KAT6A: variants seen among roughly 807,000 people sequenced by gnomAD.
KAT6A encodes lysine acetyltransferase 6A.
In KAT6A, 9 loss-of-function variants were observed where a neutral mutation model predicts 198.4. The observed-to-expected ratio is 0.05, with a 90% CI of 0.03 to 0.08. The LOEUF (loss-of-function observed/expected upper bound fraction) is 0.08. Among genes scored for constraint, KAT6A ranks in the 10% least tolerant of loss-of-function variants. The pLI is 1.00. For synonymous variants in KAT6A, 890 were observed against 883.0 expected, an observed-to-expected ratio of 1.01 and a Z score of -0.14; for missense variants, 2,077 against 2,509.9, an observed-to-expected ratio of 0.83 and a Z score of 3.69.
intron 2 of KAT6A, among the ~76,000 whole-genome samples, chr8:41,995,599 TTAAA>T (rs1410425255): frequency 6.6e-6 from 1 of 152,160 alleles, no homozygotes; most frequent in Non-Finnish European, 1.5e-5. Context: ...TTAGAATATC[TTAAA>T]TAATGACATT....
chr8:41,968,903 T>A (rs1277727085), intron 8 of KAT6A, among the ~76,000 whole-genome samples: 1 of 152,216 alleles, frequency 6.6e-6, no homozygotes, highest in Non-Finnish European at 1.5e-5. Flanking sequence ...CTGCCTGCAA[T>A]AATTTTTTAA....
chr8:41,971,997 C>T (rs962368183), intron 8 of KAT6A, among the ~76,000 whole-genome samples: 14 of 151,974 alleles, frequency 9.2e-5, no homozygotes, highest in Admixed American at 3.3e-4. Context: ...TCTATGGCTA[C>T]AACAGTAAGA....
At chr8:42,042,513 C>T (rs1827717161) in intron 2 of KAT6A, among the ~76,000 whole-genome samples, 1 of 151,636 alleles carries the variant, frequency 6.6e-6, no homozygotes, top group African/African-American at 2.4e-5. Flanking sequence ...AAATTCCTGT[C>T]AAAGCTCTAC....
At chr8:41,996,884 G>A (rs912824297) in intron 2 of KAT6A, among the ~76,000 whole-genome samples, 8 of 152,032 alleles carry the variant, frequency 5.3e-5, no homozygotes, top group African/African-American at 1.7e-4. Flanking sequence ...TATAATTATT[G>A]CAACTCGTTT....
Position 42,049,228 on chromosome 8 carries a change from G to T in KAT6A, c.-251C>A. The T allele has an allele frequency of 2.2e-6, 1 of 445,598 alleles. No individual in the cohort carries two copies. Among genetic ancestry groups the T allele is most frequent in the South Asian group, 5.1e-5 (1 of 19,546 alleles). The allele number at this position is 445,598 out of a possible 1,614,324, so 27.6% of individuals were successfully genotyped here. On this transcript the variant is annotated 5_prime_UTR_variant, in exon 2 of 17. Coordinates refer to ENST00000265713, the MANE Select transcript of KAT6A (RefSeq NM_006766.5). ...AATTTCTCAATAGCACCACACATGG[G>T]TCTCGTCATAAAGTTGTAAGAACTC...
At chr8:42,032,835 C>T (rs1425916817) in intron 2 of KAT6A, among the ~76,000 whole-genome samples, 2 of 139,154 alleles carry the variant, frequency 1.4e-5, no homozygotes, top group Non-Finnish European at 3.1e-5. Flanking sequence ...TAATGATATG[C>T]TTTCTCAATG....
At position 41,940,915 on chromosome 8, in the gene KAT6A, T is replaced by C. The variant is rs769878356; in HGVS notation, c.2966A>G (p.Glu989Gly). 5 of 1,614,166 alleles carry C rather than the reference T, an allele frequency of 3.1e-6. No homozygotes were observed. In the South Asian group the frequency reaches 5.5e-5, roughly 18 times the overall value. The change falls in exon 15 of 17, where the codon GAG becomes GGG. Residue 989 changes from glutamate to glycine, a missense_variant. Around this residue, in one of 13 missense-constraint regions of KAT6A, gnomAD observed 301 missense variants for 272.2 expected, o/e 1.11. Transcript: ENST00000265713. ...AVLRGFSESS[E>G]EEEEPESPRS... is the part of the protein sequence containing the mutation. ...AGGGCTTTCCGGCTCCTCCTCCTCCTCGCTGCTCTCACTGAAGCCCCTGAG... is the reference window on the plus strand; with the variant it reads ...AGGGCTTTCCGGCTCCTCCTCCTCCCCGCTGCTCTCACTGAAGCCCCTGAG...
chr8:42,011,318 T>TA (rs1446662359), intron 2 of KAT6A, among the ~76,000 whole-genome samples: 3 of 152,230 alleles, frequency 2.0e-5, no homozygotes, highest in East Asian at 1.9e-4. Context: ...CTCAACTTTA[T>TA]AAAAAATCTT....
At chr8:41,940,481 C>T (rs951985498) in intron 15 of KAT6A, among the ~76,000 whole-genome samples, 7 of 152,130 alleles carry the variant, frequency 4.6e-5, no homozygotes, top group Non-Finnish European at 7.4e-5. Context: ...CACTTCTAAT[C>T]TGTACATACT....
chr8:41,979,867 G>A (rs1394569694), intron 5 of KAT6A, among the ~76,000 whole-genome samples: 3 of 152,072 alleles, frequency 2.0e-5, no homozygotes, highest in Non-Finnish European at 2.9e-5. Context: ...CAGGTGTCGT[G>A]GTACGCCTGT....
At chr8:41,985,705 G>C (rs531284357) in intron 3 of KAT6A, among the ~76,000 whole-genome samples, 1 of 152,248 alleles carries the variant, frequency 6.6e-6, no homozygotes, top group East Asian at 1.9e-4. Context: ...AGTGACCCCA[G>C]AGTCAGTCCT....
At chr8:42,001,195 A>G (rs1465700970) in intron 2 of KAT6A, among the ~76,000 whole-genome samples, 1 of 152,236 alleles carries the variant, frequency 6.6e-6, no homozygotes, top group East Asian at 1.9e-4. Flanking sequence ...CATAGCAAAA[A>G]GAAATCAATC....
intron 12 of KAT6A, among the ~76,000 whole-genome samples, chr8:41,944,430 C>A (rs1408849611): frequency 6.6e-6 from 1 of 152,172 alleles, no homozygotes; most frequent in African/African-American, 2.4e-5. Context: ...TCTTTCACTT[C>A]AACCAAAACT....
chr8:41,978,632 T>C lies in KAT6A; in HGVS notation c.1043+10A>G, dbSNP rs1824188925. 2 of 1,613,740 alleles carry C rather than the reference T, an allele frequency of 1.2e-6. No individual in the cohort carries two copies. Among genetic ancestry groups the C allele is most frequent in the Non-Finnish European group, 8.5e-7 (1 of 1,179,778 alleles). On this transcript the variant is annotated intron_variant, in intron 6 of 16. Transcript: ENST00000265713. Reference sequence around the variant, plus strand: ...TTTTCTCCCCTCACCTTGCCACAAGTACAACTTACACCGTGTTTTGTTTCT... The same window carrying C: ...TTTTCTCCCCTCACCTTGCCACAAGCACAACTTACACCGTGTTTTGTTTCT...
Position 41,931,208 on chromosome 8 carries a change from T to A in KAT6A, c.*997A>T. On this transcript the variant is annotated 3_prime_UTR_variant, in exon 17 of 17. Transcript: ENST00000265713. ...TATTTGAGTTTTATCAGTCAAAGGC[T>A]CAAGCATCAAGACCCTCAGTTAGCA... 1 of 223,106 alleles carries A rather than the reference T, an allele frequency of 4.5e-6. No homozygotes were observed. The highest frequency in any genetic ancestry group is 9.0e-6 in the Non-Finnish European group (1 of 111,460). The allele number at this position is 223,106 out of a possible 1,614,324, so 13.8% of individuals were successfully genotyped here.
At chr8:42,029,716 C>T (rs1250380765) in intron 2 of KAT6A, among the ~76,000 whole-genome samples, 2 of 151,734 alleles carry the variant, frequency 1.3e-5, no homozygotes, top group Non-Finnish European at 2.9e-5. Context: ...CCTTGGTCTC[C>T]CAAAATGCTG....
At chr8:42,029,707 C>T (rs1031564360) in intron 2 of KAT6A, among the ~76,000 whole-genome samples, 4 of 151,764 alleles carry the variant, frequency 2.6e-5, no homozygotes, top group African/African-American at 9.7e-5. Context: ...ATCCTCCCGC[C>T]TTGGTCTCCC....
At position 41,987,471 on chromosome 8, in the gene KAT6A, G is replaced by A. The variant is rs149778068; in HGVS notation, c.693C>T (p.Ala231=). ...EKKPEELISC[A]DCGNSGHPSC... ...ATCACATACCACTGTTGCCACAGTCGGCACAGGAGATGAGTTCCTCTGGCT... is the reference window on the plus strand; with the variant it reads ...ATCACATACCACTGTTGCCACAGTCAGCACAGGAGATGAGTTCCTCTGGCT... Residue 231 remains alanine (A), a synonymous_variant, in exon 3 of 17, where the codon GCC becomes GCT. Coordinates refer to ENST00000265713, the MANE Select transcript of KAT6A (RefSeq NM_006766.5). 29 of 1,603,828 alleles carry A rather than the reference G, an allele frequency of 1.8e-5. No individual in the cohort carries two copies. The highest frequency in any genetic ancestry group is 3.3e-5 in the Admixed American group (2 of 59,844).
intron 2 of KAT6A, among the ~76,000 whole-genome samples, chr8:42,015,563 C>T (rs1826232556): frequency 6.6e-6 from 1 of 152,176 alleles, no homozygotes; most frequent in South Asian, 2.1e-4. Flanking sequence ...ACCACAACCT[C>T]CTATACAGTC....
Sources: gnomAD v4.1 joint callset for allele counts (sites outside exome capture counted in the v4.1 genomes callset) on GRCh38, gnomAD v4.1.1 for gene constraint, gnomAD v4.1.1 regional missense constraint, MANE v1.5 for transcripts, NCBI Gene and HGNC (gene_info 2026-07-23, HGNC 2026-07-21) for gene names.